PRUNE2: variants seen among roughly 807,000 people sequenced by gnomAD.
PRUNE2 encodes the protein prune homolog 2 with BCH domain, also known as protein prune homolog 2.
In PRUNE2, 164 loss-of-function variants were observed where a neutral mutation model predicts 252.0. That is an observed-to-expected ratio of 0.65 (90% confidence interval 0.57 to 0.74). PRUNE2 has a LOEUF of 0.74. PRUNE2 is among the 30% of genes least tolerant of loss of function. The pLI is 0.00. For synonymous variants in PRUNE2, 1,292 were observed against 1,350.2 expected, an observed-to-expected ratio of 0.96 and a Z score of 0.94; for missense variants, 3,495 against 3,711.0, an observed-to-expected ratio of 0.94 and a Z score of 1.51.
intron 4 of PRUNE2, among the ~76,000 whole-genome samples, chr9:76,828,770 C>A (rs2058492067): frequency 6.6e-6 from 1 of 152,130 alleles, no homozygotes; most frequent in Non-Finnish European, 1.5e-5. Flanking sequence ...AATCCCAGCA[C>A]TTTGGGAGGC....
intron 6 of PRUNE2, among the ~76,000 whole-genome samples, chr9:76,734,933 A>C (rs1422352567): frequency 1.3e-5 from 2 of 152,154 alleles, no homozygotes; most frequent in African/African-American, 4.8e-5. Flanking sequence ...CATCCTGGAG[A>C]GTCATGGAGA....
Position 76,708,680 on chromosome 9 carries a change from G to C in PRUNE2, c.3594C>G (p.Asp1198Glu). 6.2e-7 allele frequency: 1 copy of C among 1,613,954 alleles called. No homozygotes were observed. Among genetic ancestry groups the C allele is most frequent in the Non-Finnish European group, 8.5e-7 (1 of 1,179,882 alleles). The change falls in exon 8 of 19, where the codon GAC (aspartate) becomes GAG (glutamate). Residue 1198 changes from aspartate to glutamate, a missense_variant. Transcript: ENST00000376718. Reference protein sequence around the residue: ...ELPASDEHTKDSAPSEHHTLN... With the variant: ...ELPASDEHTKESAPSEHHTLN... The stretch of plus-strand genomic sequence containing the variant: ...ATGTGTGATGTTCACTGGGAGCACT[G>C]TCCTTGGTATGCTCATCAGAGGCAG...
chr9:76,621,361 C>T lies in PRUNE2; in HGVS notation c.9189-1974G>A, dbSNP rs57810325. Reference sequence around the variant, plus strand: ...TAGTTGAAAAAATGTTGCTGGTGGCCGAGATGGTGGGATTCTAAGGCATTC... The same window carrying T: ...TAGTTGAAAAAATGTTGCTGGTGGCTGAGATGGTGGGATTCTAAGGCATTC... On this transcript the variant is annotated intron_variant, in intron 17 of 18. Transcript: ENST00000376718. Among the ~76,000 whole-genome samples, 5 of 152,226 alleles carry T rather than the reference C, an allele frequency of 3.3e-5. No individual in the cohort carries two copies. In the East Asian group the frequency reaches 5.8e-4, roughly 18 times the overall value.
chr9:76,652,231 G>A (rs1287403600), intron 11 of PRUNE2: 2 of 360,806 alleles, frequency 5.5e-6, no homozygotes, highest in African/African-American at 4.1e-5. Context: ...TCTTCCCTCA[G>A]CCCCAGTGCC....
chr9:76,689,919 C>T (rs11145008), intron 9 of PRUNE2, among the ~76,000 whole-genome samples: 7,439 of 152,270 alleles, frequency 0.049, 243 homozygotes, highest in Non-Finnish European at 0.073. Context: ...AAATAGCAGG[C>T]AAATAGGCAG....
chr9:76,671,881 T>C (rs1324027313), intron 9 of PRUNE2, among the ~76,000 whole-genome samples: 3 of 151,678 alleles, frequency 2.0e-5, no homozygotes, highest in Admixed American at 6.6e-5. Context: ...CAGGCCTGCC[T>C]TACAAGAGCT....
chr9:76,830,119 A>G (rs2058584114), intron 4 of PRUNE2, among the ~76,000 whole-genome samples: 1 of 152,124 alleles, frequency 6.6e-6, no homozygotes, highest in African/African-American at 2.4e-5. Context: ...TGCATGGGGG[A>G]AAAGATTAGT....
chr9:76,642,000 G>GAAAAA, intron 12 of PRUNE2: 2 of 714,394 alleles, frequency 2.8e-6, no homozygotes, highest in South Asian at 2.6e-5. Flanking sequence ...AATAAGAGAA[G>GAAAAA]TAAAAAAAAA....
intron 6 of PRUNE2, chr9:76,808,695 G>C (rs117299725): frequency 6.6e-6 from 1 of 152,262 alleles, no homozygotes; most frequent in South Asian, 2.1e-4. Context: ...CTGATGGACC[G>C]AGTAGGAAGA....
chr9:76,801,102 G>T (rs2056519572), intron 6 of PRUNE2, among the ~76,000 whole-genome samples: 1 of 152,152 alleles, frequency 6.6e-6, no homozygotes, highest in African/African-American at 2.4e-5. Context: ...GACTTCATTT[G>T]TGTAGGAACT....
At chr9:76,737,666 T>C (rs2049196133) in intron 6 of PRUNE2, 4 of 152,248 alleles carry the variant, frequency 2.6e-5, no homozygotes, top group Admixed American at 2.0e-4. Flanking sequence ...AAAGAGGGAA[T>C]ACTAAGAGAT....
At chr9:76,885,392 T>C (rs954199376) in intron 1 of PRUNE2, among the ~76,000 whole-genome samples, 3 of 152,060 alleles carry the variant, frequency 2.0e-5, no homozygotes, top group African/African-American at 7.2e-5. Flanking sequence ...ACAAGGTGAA[T>C]TTGAGAGTCA....
At chr9:76,713,075 TC>T (rs1437232494) in intron 7 of PRUNE2, among the ~76,000 whole-genome samples, 1 of 151,834 alleles carries the variant, frequency 6.6e-6, no homozygotes, top group Non-Finnish European at 1.5e-5. Flanking sequence ...TTTATCTAAT[TC>T]TTTTTTTTTT....
chr9:76,713,870 GA>G (rs746033074), intron 6 of PRUNE2, 149 bp from the exon 7 acceptor site: 4 of 519,222 alleles, frequency 7.7e-6, no homozygotes, highest in Non-Finnish European at 9.9e-6. Context: ...AGAAGGAGTG[GA>G]AACTTTCATG....
intron 9 of PRUNE2, among the ~76,000 whole-genome samples, chr9:76,696,537 T>C (rs1207804641): frequency 4.6e-5 from 7 of 152,188 alleles, no homozygotes; most frequent in South Asian, 2.1e-4. Context: ...GTCATTCTCA[T>C]GCCTCAGTCT....
Position 76,707,082 on chromosome 9 carries a change from T to A in PRUNE2, c.5192A>T (p.Asp1731Val). The A allele has an allele frequency of 6.2e-7, 1 of 1,613,970 alleles. No homozygotes were observed. Among genetic ancestry groups the A allele is most frequent in the South Asian group, 1.1e-5 (1 of 91,086 alleles). ...NESNKFLVTA[D>V]PKSENIYDYL... is the part of the protein sequence containing the mutation. ...GTCATAAATATTTTCAGACTTAGGATCAGCTGTGACCAAGAACTTATTAGA... is the reference window on the plus strand; with the variant it reads ...GTCATAAATATTTTCAGACTTAGGAACAGCTGTGACCAAGAACTTATTAGA... Residue 1731 changes from aspartate to valine, a missense_variant, in exon 8 of 19, where the codon GAT (aspartate) becomes GTT (valine). By Grantham distance (152) the Asp-to-Val change is radical (BLOSUM62 -3). Coordinates refer to ENST00000376718, the MANE Select transcript of PRUNE2 (RefSeq NM_015225.3).
In PRUNE2 at chr9:76,891,300, T is replaced by C. The variant is rs138175395; in HGVS notation, c.36+14628A>G. Among the ~76,000 whole-genome samples, 499 of 152,236 alleles carry C rather than the reference T, an allele frequency of 3.3e-3. 1 individual carries two copies. Among genetic ancestry groups the C allele is most frequent in the Middle Eastern group, 0.01 (3 of 294 alleles). ...GGAAAGAGTTGATGTTATAGGCAAT[T>C]AAACTTCTTTCCCACATTACAGAGA... On this transcript the variant is annotated intron_variant, in intron 1 of 18. Transcript: ENST00000376718.
At chr9:76,723,211 G>A (rs891585722) in intron 6 of PRUNE2, among the ~76,000 whole-genome samples, 1 of 152,170 alleles carries the variant, frequency 6.6e-6, no homozygotes, top group Non-Finnish European at 1.5e-5. Context: ...GCAGTAGTAT[G>A]TACTTTTGAA....
At chr9:76,901,830 C>T (rs2063191896) in intron 1 of PRUNE2, among the ~76,000 whole-genome samples, 1 of 152,190 alleles carries the variant, frequency 6.6e-6, no homozygotes, top group African/African-American at 2.4e-5. Context: ...GCTGAAGTAG[C>T]AGATGCATCC....
Sources: allele counts gnomAD v4.1 joint callset (sites outside exome capture counted in the v4.1 genomes callset), GRCh38; gene constraint gnomAD v4.1.1; transcripts MANE v1.5; gene names NCBI Gene and HGNC (gene_info 2026-07-23, HGNC 2026-07-21).